Variants in ZRANB3 observed in about 807,000 individuals in gnomAD.
The protein encoded by ZRANB3 is DNA annealing helicase and endonuclease ZRANB3.
Under a neutral mutation model 133.8 loss-of-function variants are expected in ZRANB3, and 125 were observed. The ratio of observed to expected loss-of-function variants is 0.93; its 90% CI spans 0.81 to 1.08. The LOEUF (loss-of-function observed/expected upper bound fraction) is 1.08, where lower values mean the gene tolerates loss of function less well. Among genes scored for constraint, ZRANB3 ranks in the 50% least tolerant of loss-of-function variants. The probability of loss-of-function intolerance (pLI) is 0.00; values close to 1 mark genes in which losing one functional copy is unlikely to be tolerated. For synonymous variants in ZRANB3, 387 were observed against 432.7 expected (o/e 0.89, Z 1.31); for missense variants, 1,229 against 1,275.5 (o/e 0.96, Z 0.56).
At chr2:135,499,844 A>T (rs1184534469) in intron 2 of ZRANB3, among the ~76,000 whole-genome samples, 1 of 152,212 alleles carries the variant, frequency 6.6e-6, no homozygotes, top group East Asian at 1.9e-4. Context: ...GTTGAAGTTC[A>T]AACCCCCAGT....
chr2:135,255,870 CA>C (rs910102284), intron 12 of ZRANB3, among the ~76,000 whole-genome samples: 1 of 147,638 alleles, frequency 6.8e-6, no homozygotes, highest in Non-Finnish European at 1.5e-5. Context: ...CCTCCTCAAA[CA>C]AAAAAAACCC....
At chr2:135,511,620 G>C (rs981788445) in intron 1 of ZRANB3, 10 of 789,376 alleles carry the variant, frequency 1.3e-5, no homozygotes, top group South Asian at 2.7e-5. Context: ...ACATCTGCAT[G>C]AATCTCCTCA....
At chr2:135,383,022 T>G (rs1278494186) in intron 3 of ZRANB3, among the ~76,000 whole-genome samples, 4 of 152,044 alleles carry the variant, frequency 2.6e-5, no homozygotes, top group African/African-American at 9.7e-5. Context: ...GGCTAAATGC[T>G]CCAATTAAAA....
chr2:135,455,903 A>AT (rs1424703748), intron 2 of ZRANB3, among the ~76,000 whole-genome samples: 3 of 152,036 alleles, frequency 2.0e-5, no homozygotes, highest in Non-Finnish European at 4.4e-5. Flanking sequence ...CCAACTATTG[A>AT]TTTTTTAAAA....
At chr2:135,416,912 A>G (rs1288731590) in intron 2 of ZRANB3, among the ~76,000 whole-genome samples, 3 of 152,228 alleles carry the variant, frequency 2.0e-5, no homozygotes, top group Non-Finnish European at 4.4e-5. Flanking sequence ...CCATATGTAA[A>G]AAGCTGAAAC....
chr2:135,313,367 A>T (rs1481689300), intron 8 of ZRANB3, 122 bp downstream of exon 8: 2 of 646,508 alleles, frequency 3.1e-6, no homozygotes, highest in African/African-American at 3.8e-5. Context: ...AAAAAAAAAA[A>T]AAAGAGTTAA....
chr2:135,289,903 A>G (rs1172639755), intron 8 of ZRANB3, among the ~76,000 whole-genome samples: 1 of 152,216 alleles, frequency 6.6e-6, no homozygotes, highest in Non-Finnish European at 1.5e-5. Context: ...ACCCTGTCTC[A>G]AAAACAAAAA....
At chr2:135,439,613 T>C (rs1260318061) in intron 2 of ZRANB3, among the ~76,000 whole-genome samples, 1 of 152,236 alleles carries the variant, frequency 6.6e-6, no homozygotes, top group African/African-American at 2.4e-5. Flanking sequence ...TTCGTGATTT[T>C]AGAAAATATA....
chr2:135,472,421 A>G (rs1206479294), intron 2 of ZRANB3, among the ~76,000 whole-genome samples: 145 of 150,172 alleles, frequency 9.7e-4, no homozygotes, highest in Middle Eastern at 6.9e-3. Flanking sequence ...AATGGCGTGA[A>G]CCCGGGAGGC....
At chr2:135,327,378 C>T (rs1423154334) in intron 6 of ZRANB3, among the ~76,000 whole-genome samples, 7 of 151,988 alleles carry the variant, frequency 4.6e-5, no homozygotes, top group Admixed American at 2.6e-4. Flanking sequence ...TGGAAGTTGA[C>T]AGATTGGTTG....
Position 135,397,126 on chromosome 2 carries a change from T to C in ZRANB3, c.162-6306A>G, listed in dbSNP as rs766540891. ...GCCTGGGCAACAGAGTGAGACTGCA[T>C]CTAAACAAACAAACAAAAACAAACA... On this transcript the variant is annotated intron_variant, in intron 2 of 20. Transcript: ENST00000264159. 1.8e-4 allele frequency among the ~76,000 whole-genome samples: 27 copies of C among 151,346 alleles called. No homozygotes were observed. The East Asian group carries it at 2.5e-3, about 14-fold the overall frequency.
intron 3 of ZRANB3, among the ~76,000 whole-genome samples, chr2:135,357,492 C>T (rs189407076): frequency 1.1e-3 from 173 of 152,250 alleles, no homozygotes; most frequent in Admixed American, 2.8e-3. Flanking sequence ...GACGGGGTTT[C>T]GCCATGTTGG....
intron 8 of ZRANB3, among the ~76,000 whole-genome samples, chr2:135,312,128 ATTTTATTATTTTATT>A (rs571370435): frequency 8.3e-6 from 1 of 120,068 alleles, no homozygotes; most frequent in African/African-American, 3.4e-5. Flanking sequence ...TTTTTATTTT[ATTTTATTATTTTATT>A]TTATTTTATT....
chr2:135,491,862 A>G (rs1044076452), intron 2 of ZRANB3, among the ~76,000 whole-genome samples: 1 of 152,298 alleles, frequency 6.6e-6, no homozygotes, highest in East Asian at 1.9e-4. Flanking sequence ...TTAAAGATAC[A>G]AAGGTGAACA....
intron 2 of ZRANB3, among the ~76,000 whole-genome samples, chr2:135,476,692 T>C (rs984487017): frequency 7.5e-6 from 1 of 133,242 alleles, no homozygotes; most frequent in Non-Finnish European, 1.6e-5. Flanking sequence ...TTTCTTTTCC[T>C]TTTTTTTTTT....
At chr2:135,427,316 G>A (rs541161409) in intron 2 of ZRANB3, among the ~76,000 whole-genome samples, 34 of 152,102 alleles carry the variant, frequency 2.2e-4, no homozygotes, top group Middle Eastern at 6.8e-3. Context: ...TGGAAAACTC[G>A]ATTGTCTCTC....
chr2:135,200,066 TA>T lies in ZRANB3; in HGVS notation c.*275del, dbSNP rs1693557173. On this transcript the variant is annotated 3_prime_UTR_variant, in exon 21 of 21. Transcript: ENST00000264159. ...TGCACAATACAGTGATTAGGCATAT[TA>T]GGGGTAAAGAGCTTTACAAAACATT... The T allele has an allele frequency of 4.2e-6, 2 of 478,580 alleles. No homozygotes were observed. Among genetic ancestry groups the T allele is most frequent in the South Asian group, 4.0e-5 (2 of 50,258 alleles). 29.6% of individuals were successfully genotyped at this position (478,580 alleles called of 1,614,324 possible).
chr2:135,405,160 G>C (rs1687948880), intron 2 of ZRANB3, among the ~76,000 whole-genome samples: 1 of 152,058 alleles, frequency 6.6e-6, no homozygotes, highest in Non-Finnish European at 1.5e-5. Flanking sequence ...AAAAGGCAGG[G>C]GTTGCAATCC....
intron 2 of ZRANB3, among the ~76,000 whole-genome samples, chr2:135,475,211 T>C (rs943323290): frequency 1.3e-5 from 2 of 152,220 alleles, no homozygotes; most frequent in African/African-American, 4.8e-5. Flanking sequence ...CCCCAATTTC[T>C]AGTTTCTGAA....
Sources: allele counts gnomAD v4.1 joint callset (sites outside exome capture counted in the v4.1 genomes callset), GRCh38; gene constraint gnomAD v4.1.1; transcripts MANE v1.5; gene names NCBI Gene and HGNC (gene_info 2026-07-23, HGNC 2026-07-21).